The following ZCCHC8 variants were observed in gnomAD, a reference collection of about 807,000 sequenced individuals.
ZCCHC8 encodes the protein zinc finger CCHC-type containing 8.
A neutral mutation model predicts 70.6 loss-of-function variants in ZCCHC8; 27 were observed. The ratio of observed to expected loss-of-function variants is 0.38; its 90% CI spans 0.28 to 0.53. ZCCHC8 has a LOEUF of 0.53. ZCCHC8 is among the 20% of genes least tolerant of loss of function. ZCCHC8 has a pLI of 0.81. For synonymous variants in ZCCHC8, 293 were observed against 317.4 expected (o/e 0.92, Z 0.82); for missense variants, 737 against 876.9 (o/e 0.84, Z 2.01).
intron 13 of ZCCHC8, 124 bp from the exon 14 acceptor site, chr12:122,474,399 G>T: frequency 1.2e-6 from 1 of 859,136 alleles, no homozygotes. Context: ...CTTAACATGA[G>T]GGAAATTCTG....
chr12:122,482,858 T>A (rs906089587), intron 7 of ZCCHC8, 163 bp from the exon 8 acceptor site: 1 of 610,918 alleles, frequency 1.6e-6, no homozygotes, highest in East Asian at 2.8e-5. Context: ...CTCCTTTATT[T>A]AGTGATTTAA....
chr12:122,492,893 C>T (rs570505224), intron 2 of ZCCHC8, 104 bp from the exon 3 acceptor site: 2 of 767,318 alleles, frequency 2.6e-6, no homozygotes, highest in East Asian at 2.8e-5. Context: ...TTTTTTGACA[C>T]AGGTTCTCAC....
At position 122,473,606 on chromosome 12, in the gene ZCCHC8, G is replaced by A; in HGVS notation, c.2015C>T (p.Pro672Leu). Residue 672 changes from proline to leucine, a missense_variant, in exon 14 of 14, where the codon CCA becomes CTA. Transcript: ENST00000633063. ...TTCTGCCATATTCTCAAATTCAAAT[G>A]GCGTGATTCCAGTTGCAAATTTGCT... ...DMSKFATGIT[P>L]FEFENMAEST... is the part of the protein sequence containing the mutation. The A allele has an allele frequency of 6.2e-7, 1 of 1,613,918 alleles. No homozygotes were observed. Among genetic ancestry groups the A allele is most frequent in the Non-Finnish European group, 8.5e-7 (1 of 1,179,892 alleles).
chr12:122,479,828 C>T (rs1369591584), intron 11 of ZCCHC8, among the ~76,000 whole-genome samples: 1 of 152,136 alleles, frequency 6.6e-6, no homozygotes, highest in Non-Finnish European at 1.5e-5. Flanking sequence ...ATAGTAACTG[C>T]TATATAAGTT....
chr12:122,500,599 GC>G lies in ZCCHC8; in HGVS notation c.199+42del. On this transcript the variant is annotated intron_variant, in intron 1 of 13. Transcript: ENST00000633063. This position sits in a 1 kb window ranked among gnomAD's most constrained non-coding sequence, Gnocchi z 4.8. ...CGGCCCCACGCCTGGCGCTGCCCCG[GC>G]CCCACACCCGGGTGACAGGGCCCAG... 1 of 1,524,640 alleles carries G rather than the reference GC, an allele frequency of 6.6e-7. No individual in the cohort carries two copies. Among genetic ancestry groups the G allele is most frequent in the Non-Finnish European group, 8.8e-7 (1 of 1,136,592 alleles). The allele number at this position is 1,524,640 out of a possible 1,614,324, so 94.4% of individuals were successfully genotyped here. A position where few individuals can be genotyped will look rare whatever the true frequency, so the allele number is the denominator to read the frequency against.
rs536323939 is a variant in ZCCHC8, at chr12:122,479,947, A to G, written c.1140+243T>C. On this transcript the variant is annotated intron_variant, in intron 11 of 13. Coordinates refer to ENST00000633063, the MANE Select transcript of ZCCHC8 (RefSeq NM_017612.5). ...CACCCCAGCCTCCCTAGTAGCCAGGACTACAGGCATGTGCCACCACCCTTG... is the reference window on the plus strand; with the variant it reads ...CACCCCAGCCTCCCTAGTAGCCAGGGCTACAGGCATGTGCCACCACCCTTG... Among the ~76,000 whole-genome samples the G allele has an allele frequency of 1.9e-3, 287 of 152,288 alleles. 4 individuals carry two copies. Among genetic ancestry groups the G allele is most frequent in the African/African-American group, 6.6e-3 (274 of 41,558 alleles).
chr12:122,498,699 A>G lies in ZCCHC8; in HGVS notation c.242+128T>C, dbSNP rs184546342. On this transcript the variant is annotated intron_variant, in intron 2 of 13. Transcript: ENST00000633063. ...AAATAACTATTACTTTGATTTCTTC[A>G]GAGTATGCTAAACAAATAAAAATGA... 98 of 881,462 alleles carry G rather than the reference A, an allele frequency of 1.1e-4. No homozygotes were observed. In the East Asian group the frequency reaches 2.4e-3, roughly 22 times the overall value. The allele number at this position is 881,462 out of a possible 1,614,324, so 54.6% of individuals were successfully genotyped here. A position where few individuals can be genotyped will look rare whatever the true frequency, so the allele number is the denominator to read the frequency against.
At chr12:122,478,062 C>G in intron 12 of ZCCHC8, 104 bp from the exon 13 acceptor site, 1 of 1,211,908 alleles carries the variant, frequency 8.3e-7, no homozygotes, top group Non-Finnish European at 1.2e-6. Flanking sequence ...GGAGTTAAGT[C>G]TAGGTAATTG....
In ZCCHC8 at chr12:122,473,678, G is replaced by A. The variant is rs760823188; in HGVS notation, c.1943C>T (p.Thr648Ile). 6.2e-7 allele frequency: 1 copy of A among 1,613,898 alleles called. No individual in the cohort carries two copies. Among genetic ancestry groups the A allele is most frequent in the African/African-American group, 1.3e-5 (1 of 74,924 alleles). Residue 648 changes from threonine to isoleucine, a missense_variant, in exon 14 of 14, where the codon ACC becomes ATC. Thr to Ile is a moderately conservative substitution (Grantham distance 89). Coordinates refer to ENST00000633063, the MANE Select transcript of ZCCHC8 (RefSeq NM_017612.5). ...GGSQKLFPAD[T>I]SPSTATKIHS... ...AATTTTAGTGGCCGTTGAAGGACTG[G>A]TGTCTGCAGGAAAGAGCTTCTGGCT...
In ZCCHC8 at chr12:122,500,299, CT is replaced by C. The variant is rs1483425437; in HGVS notation, c.199+342del. Reference sequence around the variant, plus strand: ...TGAGCGTGGCTGCGAAATATGAAACCTCACCACGACCTCAAACAGAGGGGGG... The same window carrying C: ...TGAGCGTGGCTGCGAAATATGAAACCCACCACGACCTCAAACAGAGGGGGG... On this transcript the variant is annotated intron_variant, in intron 1 of 13. Coordinates refer to ENST00000633063, the MANE Select transcript of ZCCHC8 (RefSeq NM_017612.5). The surrounding 1 kb of genome is among the most constrained non-coding windows in gnomAD (Gnocchi z 4.8). 1 of 259,034 alleles carries C rather than the reference CT, an allele frequency of 3.9e-6. No individual in the cohort carries two copies. The highest frequency in any genetic ancestry group is 7.4e-6 in the Non-Finnish European group (1 of 135,842). 16.0% of individuals were successfully genotyped at this position (259,034 alleles called of 1,614,324 possible).
rs1957914386 is a variant in ZCCHC8 at position 122,500,734 on chromosome 12, C to T, written c.107G>A (p.Gly36Asp). 6.3e-7 allele frequency: 1 copy of T among 1,583,380 alleles called. No homozygotes were observed. Among genetic ancestry groups the T allele is most frequent in the Non-Finnish European group, 8.6e-7 (1 of 1,165,232 alleles). Reference protein sequence around the residue: ...PVHTRFKDDDGDEEDENGVGD... With the variant: ...PVHTRFKDDDDDEEDENGVGD... Reference sequence around the variant, plus strand: ...GACCCCATTTTCGTCCTCCTCGTCGCCGTCGTCGTCCTTGAAGCGAGTGTG... The same window carrying T: ...GACCCCATTTTCGTCCTCCTCGTCGTCGTCGTCGTCCTTGAAGCGAGTGTG... Residue 36 changes from glycine to aspartate, a missense_variant, in exon 1 of 14, where the codon GGC becomes GAC. Physicochemically the swap from Gly to Asp is moderately conservative, Grantham distance 94 (BLOSUM62 -1). Transcript: ENST00000633063. The surrounding 1 kb of genome is among the most constrained non-coding windows in gnomAD (Gnocchi z 4.8).
rs1177737998 is a variant in ZCCHC8 at position 122,500,893 on chromosome 12, G to A, written c.-53C>T. On this transcript the variant is annotated 5_prime_UTR_variant, in exon 1 of 14. Transcript: ENST00000633063. The surrounding 1 kb of genome is among the most constrained non-coding windows in gnomAD (Gnocchi z 4.8). ...AGGCGGAGCCGGCCACCAGGGCTTG[G>A]GGAAGAAGGTTGGAAGGCGGCACCA... The A allele has an allele frequency of 6.5e-7, 1 of 1,535,788 alleles. No individual in the cohort carries two copies. Among genetic ancestry groups the A allele is most frequent in the African/African-American group, 1.4e-5 (1 of 72,674 alleles).
Position 122,473,345 on chromosome 12 carries a change from T to C in ZCCHC8, c.*152A>G. 1.1e-6 allele frequency: 1 copy of C among 921,566 alleles called. No individual in the cohort carries two copies. The highest frequency in any genetic ancestry group is 1.9e-5 in the South Asian group (1 of 53,270). 57.1% of individuals were successfully genotyped at this position (921,566 alleles called of 1,614,324 possible). A position where few individuals can be genotyped will look rare whatever the true frequency, so the allele number is the denominator to read the frequency against. On this transcript the variant is annotated 3_prime_UTR_variant, in exon 14 of 14. Coordinates refer to ENST00000633063, the MANE Select transcript of ZCCHC8 (RefSeq NM_017612.5). ...ATACTGAACTAGTGAGCTCAGTCTT[T>C]CTTTAAAATAGGCTTGACTTTGGAA... is the stretch of plus-strand genomic sequence containing the variant.
rs780243672 is a variant in ZCCHC8, at chr12:122,473,835, C to G, written c.1786G>C (p.Ala596Pro). ...GTCACCTCAGAGTCTGGACTGGAGG[C>G]ATGTCCAGCTTCTGATTTCTTTGTA... ...IFTKKSEAGH[A>P]SSPDSEVTSL... Residue 596 changes from alanine to proline, a missense_variant, in exon 14 of 14, where the codon GCC becomes CCC. Coordinates refer to ENST00000633063, the MANE Select transcript of ZCCHC8 (RefSeq NM_017612.5). 2 of 1,613,874 alleles carry G rather than the reference C, an allele frequency of 1.2e-6. No homozygotes were observed. The highest frequency in any genetic ancestry group is 1.7e-6 in the Non-Finnish European group (2 of 1,179,862).
In ZCCHC8 at chr12:122,478,220, A is replaced by T. The variant is rs746587615; in HGVS notation, c.1213T>A (p.Ser405Thr). ...QKDVFANYLT[S>T]NFQAPGVKSG... ...AATCTATTTACCGCTTGGAAGTTAG[A>T]AGTAAGGTAATTGGCAAACACATCC... The change falls in exon 12 of 14, where the codon TCT becomes ACT. Residue 405 changes from serine (S) to threonine (T), a missense_variant. Ser to Thr is a moderately conservative substitution (Grantham distance 58). Coordinates refer to ENST00000633063, the MANE Select transcript of ZCCHC8 (RefSeq NM_017612.5). The T allele has an allele frequency of 7.5e-6, 12 of 1,597,992 alleles. No individual in the cohort carries two copies. The South Asian group carries it at 1.0e-4, about 14-fold the overall frequency.
chr12:122,479,399 C>T (rs899142984), intron 11 of ZCCHC8, among the ~76,000 whole-genome samples: 31 of 152,012 alleles, frequency 2.0e-4, no homozygotes, highest in Admixed American at 1.5e-3. Flanking sequence ...TTAAATAAAA[C>T]AGTACAATAG....
At chr12:122,489,346 A>G (rs1021695204) in intron 5 of ZCCHC8, 40 bp downstream of exon 5, 1 of 1,588,310 alleles carries the variant, frequency 6.3e-7, no homozygotes, top group Non-Finnish European at 8.6e-7. Context: ...GATAGGAAAC[A>G]CCTATTGGCT....
At chr12:122,479,743 A>G (rs1009009284) in intron 11 of ZCCHC8, among the ~76,000 whole-genome samples, 2 of 152,232 alleles carry the variant, frequency 1.3e-5, no homozygotes, top group Non-Finnish European at 2.9e-5. Context: ...TGAATATAAG[A>G]CTTCAATTAA....
chr12:122,490,564 T>C lies in ZCCHC8; in HGVS notation c.321A>G (p.Gln107=), dbSNP rs755984793. ...ILFMNNAISK[Q]YHQEIEEFVS... ...CAAATTCCTCTATTTCTTGATGATA[T>C]TGCCTGTGTAAGAGGACAAAATGGT... The change falls in exon 4 of 14, where the codon CAA becomes CAG. Residue 107 remains glutamine (Q), a synonymous_variant. Transcript: ENST00000633063. The C allele has an allele frequency of 4.4e-6, 7 of 1,600,976 alleles. No individual in the cohort carries two copies. The highest frequency in any genetic ancestry group is 1.7e-5 in the Admixed American group (1 of 58,610).
Sources: gnomAD v4.1 joint callset for allele counts (sites outside exome capture counted in the v4.1 genomes callset) on GRCh38, gnomAD v4.1.1 for gene constraint, Gnocchi (gnomAD v3.1) non-coding constraint, MANE v1.5 for transcripts, NCBI Gene and HGNC (gene_info 2026-07-23, HGNC 2026-07-21) for gene names.